Variants in ZNF565 observed in about 807,000 individuals in gnomAD.
ZNF565 encodes zinc finger protein 565.
A neutral mutation model predicts 39.4 loss-of-function variants in ZNF565; 27 were observed. The observed-to-expected ratio is 0.69, with a 90% CI of 0.51 to 0.95. The LOEUF (loss-of-function observed/expected upper bound fraction) is 0.95. ZNF565 is among the 40% of genes least tolerant of loss of function. The probability of loss-of-function intolerance (pLI) is 0.00; values close to 1 mark genes in which losing one functional copy is unlikely to be tolerated. For synonymous variants in ZNF565, 185 were observed against 216.6 expected (o/e 0.85, Z 1.28); for missense variants, 524 against 621.1 (o/e 0.84, Z 1.66).
At chr19:36,216,843 C>T (rs938654267), upstream of ZNF565, among the ~76,000 whole-genome samples, 9 of 100,734 alleles carry the variant, frequency 8.9e-5, no homozygotes, top group Non-Finnish European at 2.2e-5. Flanking sequence ...AGCCTCAGGC[C>T]GGGCTTGGTG....
At chr19:36,203,282 G>GC (rs1976030191) in intron 1 of ZNF565, 1 of 144,132 alleles carries the variant, frequency 6.9e-6, no homozygotes, top group African/African-American at 2.6e-5. Context: ...GTTGTGGTGA[G>GC]CCGAGATCGC....
At chr19:36,221,923 CTTTCTT>C (rs1411779902) in intron 1 of ZNF565, among the ~76,000 whole-genome samples, 5 of 118,328 alleles carry the variant, frequency 4.2e-5, no homozygotes, top group African/African-American at 1.5e-4. Context: ...TTCCTTTTTT[CTTTCTT>C]TTTTTTTTTT....
chr19:36,228,715 T>G (rs920898218), intron 1 of ZNF565: 8 of 152,226 alleles, frequency 5.3e-5, no homozygotes, highest in African/African-American at 1.9e-4. Flanking sequence ...GACCCAGCAT[T>G]AACATTGTAA....
chr19:36,229,571 A>G (rs552185086), intron 1 of ZNF565, among the ~76,000 whole-genome samples: 1 of 152,192 alleles, frequency 6.6e-6, no homozygotes, highest in Non-Finnish European at 1.5e-5. Flanking sequence ...GAGGTAACCT[A>G]GGAATAAGCC....
At chr19:36,243,947 C>T (rs1260021981) in intron 1 of ZNF565, among the ~76,000 whole-genome samples, 1 of 152,146 alleles carries the variant, frequency 6.6e-6, no homozygotes. Flanking sequence ...AGGAATCCAC[C>T]CTCCTTGGCC....
At chr19:36,198,745 C>T (rs1305170844) in intron 2 of ZNF565, among the ~76,000 whole-genome samples, 2 of 151,920 alleles carry the variant, frequency 1.3e-5, no homozygotes, top group African/African-American at 2.4e-5. Flanking sequence ...ATTATAGGTG[C>T]CCACCACCAC....
intron 4 of ZNF565, among the ~76,000 whole-genome samples, chr19:36,193,308 G>A (rs2145319961): frequency 6.6e-6 from 1 of 151,818 alleles, no homozygotes; most frequent in East Asian, 1.9e-4. Flanking sequence ...AGTAGAGACG[G>A]GGCTTCACCG....
intron 1 of ZNF565, among the ~76,000 whole-genome samples, chr19:36,223,922 A>G (rs116378887): frequency 0.012 from 1,860 of 152,098 alleles, 38 homozygotes; most frequent in African/African-American, 0.042. Flanking sequence ...GGCCCAAGTG[A>G]TCCTGCTACC....
intron 1 of ZNF565, among the ~76,000 whole-genome samples, chr19:36,239,328 T>C (rs1600006441): frequency 1.5e-5 from 1 of 65,742 alleles, no homozygotes; most frequent in East Asian, 3.8e-4. Flanking sequence ...TGATAATATC[T>C]TTTTTTTTTT....
chr19:36,240,266 G>C (rs1038072978), intron 1 of ZNF565, among the ~76,000 whole-genome samples: 2 of 152,182 alleles, frequency 1.3e-5, no homozygotes, highest in African/African-American at 4.8e-5. Flanking sequence ...CTAATCTAGA[G>C]ATGATTCTAG....
At chr19:36,222,150 C>T (rs1275059375) in intron 1 of ZNF565, among the ~76,000 whole-genome samples, 1 of 152,088 alleles carries the variant, frequency 6.6e-6, no homozygotes, top group Non-Finnish European at 1.5e-5. Flanking sequence ...TCTCGAACTC[C>T]TGAGCTCAAG....
chr19:36,218,861 T>C (rs1599957182), upstream of ZNF565, among the ~76,000 whole-genome samples: 1 of 150,730 alleles, frequency 6.6e-6, no homozygotes, highest in Admixed American at 6.6e-5. Context: ...CAGGCTGGAG[T>C]GCAGTGGTGC....
chr19:36,239,592 A>T (rs1016901392), intron 1 of ZNF565, among the ~76,000 whole-genome samples: 3 of 152,150 alleles, frequency 2.0e-5, no homozygotes, highest in African/African-American at 7.2e-5. Context: ...AAGTGCTGCC[A>T]TTACATTACA....
At chr19:36,220,911 G>C (rs1044900838) in intron 1 of ZNF565, among the ~76,000 whole-genome samples, 4 of 150,732 alleles carry the variant, frequency 2.7e-5, no homozygotes, top group Non-Finnish European at 4.4e-5. Flanking sequence ...GAGTGCAGTG[G>C]TGTGATCTTG....
chr19:36,228,681 C>T (rs909178082), intron 1 of ZNF565: 1 of 152,180 alleles, frequency 6.6e-6, no homozygotes, highest in African/African-American at 2.4e-5. Flanking sequence ...CAGGGCTCAG[C>T]CTGAGTTCTA....
At chr19:36,221,093 G>C (rs562891763) in intron 1 of ZNF565, among the ~76,000 whole-genome samples, 5 of 150,654 alleles carry the variant, frequency 3.3e-5, no homozygotes, top group Non-Finnish European at 7.4e-5. Context: ...CTTCCTACTC[G>C]TCTTGGCCTC....
At chr19:36,219,608 G>A (rs964759482), upstream of ZNF565, among the ~76,000 whole-genome samples, 1 of 152,090 alleles carries the variant, frequency 6.6e-6, no homozygotes. Flanking sequence ...TATACCAGAT[G>A]GCTGGTGATT....
At chr19:36,218,504 C>T (rs1157125572), upstream of ZNF565, among the ~76,000 whole-genome samples, 2 of 151,270 alleles carry the variant, frequency 1.3e-5, no homozygotes, top group East Asian at 1.9e-4. Flanking sequence ...GTCTCACTGT[C>T]GCCCAGGCTG....
chr19:36,220,293 G>A (rs997558653), intron 1 of ZNF565, among the ~76,000 whole-genome samples: 1 of 151,586 alleles, frequency 6.6e-6, no homozygotes, highest in African/African-American at 2.4e-5. Context: ...GTCCATATTC[G>A]TATTTCTAAT....
Sources: allele counts gnomAD v4.1 joint callset (sites outside exome capture counted in the v4.1 genomes callset), GRCh38; gene constraint gnomAD v4.1.1; transcripts MANE v1.5; gene names NCBI Gene and HGNC (gene_info 2026-07-23, HGNC 2026-07-21).